DNMT1: variants seen among roughly 807,000 people sequenced by gnomAD.
DNMT1 encodes the protein DNA methyltransferase 1, also known as DNA (cytosine-5)-methyltransferase 1.
In DNMT1, 24 loss-of-function variants were observed where a neutral mutation model predicts 205.3. The ratio of observed to expected loss-of-function variants is 0.12; its 90% confidence interval spans 0.08 to 0.16. The LOEUF is 0.16. Ranked by LOEUF, DNMT1 falls within the 10% of genes least tolerant of loss-of-function variation. The probability of loss-of-function intolerance (pLI) is 1.00; values close to 1 mark genes in which losing one functional copy is unlikely to be tolerated. For synonymous variants in DNMT1, 817 were observed against 839.8 expected, an observed-to-expected ratio of 0.97 and a Z score of 0.47; for missense variants, 1,293 against 2,177.7, an observed-to-expected ratio of 0.59 and a Z score of 8.09.
chr19:10,152,160 CAAAAAAAAAAAAAAAA>C (rs56725732), intron 22 of DNMT1, among the ~76,000 whole-genome samples: 3 of 14,334 alleles, frequency 2.1e-4, no homozygotes, highest in African/African-American at 1.4e-3. Flanking sequence ...AACTCCATCT[CAAAAAAAAAAAAAAAA>C]AAAAAAAAAA....
chr19:10,146,469 C>A lies in DNMT1; in HGVS notation c.2776G>T (p.Val926Phe). ...AEMRQKEIPR[V>F]LEQLEDLDSR... ...TCCAGGTCCTCGAGCTGCTCCAGGA[C>A]CCTGGGGATTTCTTTTTGCCTCATC... is the stretch of plus-strand genomic sequence containing the variant. Residue 926 changes from valine to phenylalanine, a missense_variant, in exon 28 of 41, where the codon GTC becomes TTC. Physicochemically the swap from Val to Phe is conservative, Grantham distance 50 (BLOSUM62 -1). Transcript: ENST00000359526. The surrounding 1 kb of genome is among the most constrained non-coding windows in gnomAD (Gnocchi z 4.4). 1 of 1,614,090 alleles carries A rather than the reference C, an allele frequency of 6.2e-7. No homozygotes were observed. The highest frequency in any genetic ancestry group is 8.5e-7 in the Non-Finnish European group (1 of 1,180,020).
At position 10,162,762 on chromosome 19, in the gene DNMT1, A is replaced by C; in HGVS notation, c.927-14T>G. On this transcript the variant is annotated splice_polypyrimidine_tract_variant and intron_variant, in intron 12 of 40. Transcript: ENST00000359526. ...CGTTTGGCAGCTCTGCAGGGTGAAC[A>C]GATACACAGCAAGTAGCAGCTTAGA... 1 of 1,613,826 alleles carries C rather than the reference A, an allele frequency of 6.2e-7. No homozygotes were observed. The highest frequency in any genetic ancestry group is 8.5e-7 in the Non-Finnish European group (1 of 1,179,846).
intron 1 of DNMT1, 57 bp downstream of exon 1, chr19:10,194,763 C>T: frequency 6.5e-7 from 1 of 1,538,306 alleles, no homozygotes; most frequent in South Asian, 1.2e-5. Flanking sequence ...GGAAGCGACC[C>T]CCCACCCAGC....
At chr19:10,135,942 T>C (rs1415963581) in intron 38 of DNMT1, 90 bp from the exon 39 acceptor site, 4 of 1,494,986 alleles carry the variant, frequency 2.7e-6, no homozygotes, top group Non-Finnish European at 3.6e-6. Flanking sequence ...TGTGACAGCA[T>C]ACGGCCATGG....
In DNMT1 at chr19:10,137,435, G is replaced by C; in HGVS notation, c.4294-155C>G. On this transcript the variant is annotated intron_variant, in intron 36 of 40. Transcript: ENST00000359526. This position sits in a 1 kb window ranked among gnomAD's most constrained non-coding sequence, Gnocchi z 6.4. ...CAGTCAGGGATATCGCACTTGGCTC[G>C]AGGCCACGGCAGGGACCTGAGGCAG... is the stretch of plus-strand genomic sequence containing the variant. 1 of 952,146 alleles carries C rather than the reference G, an allele frequency of 1.1e-6. No homozygotes were observed. The highest frequency in any genetic ancestry group is 1.6e-6 in the Non-Finnish European group (1 of 639,714). The allele number at this position is 952,146 out of a possible 1,614,324, so 59.0% of individuals were successfully genotyped here. A position where few individuals can be genotyped will look rare whatever the true frequency, so the allele number is the denominator to read the frequency against.
intron 1 of DNMT1, among the ~76,000 whole-genome samples, chr19:10,186,173 G>A (rs2039175810): frequency 6.6e-6 from 1 of 152,132 alleles, no homozygotes; most frequent in Non-Finnish European, 1.5e-5. Context: ...CTTGCAGAAT[G>A]GGTCTGCTTT....
intron 13 of DNMT1, among the ~76,000 whole-genome samples, chr19:10,161,561 T>C (rs1267024026): frequency 6.6e-6 from 1 of 152,100 alleles, no homozygotes; most frequent in Non-Finnish European, 1.5e-5. Context: ...GTGGGAGGAT[T>C]GCTTCAGCCC....
rs2089612674 is a variant in DNMT1, at chr19:10,142,139, C to T, written c.3198G>A (p.Val1066=). The T allele has an allele frequency of 6.2e-7, 1 of 1,614,054 alleles. No individual in the cohort carries two copies. The highest frequency in any genetic ancestry group is 8.5e-7 in the Non-Finnish European group (1 of 1,180,040). ...GGCCCTGCACAGCCTTGAAGTCCAC[C>T]ACGGCCTCCTCGTCGCTCCAGTAGA... ...NLLYWSDEEA[V]VDFKAVQGRC... Residue 1066 remains valine (V), a synonymous_variant, in exon 30 of 41, where the codon GTG becomes GTA. Transcript: ENST00000359526.
chr19:10,144,536 G>A lies in DNMT1; in HGVS notation c.2895-549C>T, dbSNP rs980010664. On this transcript the variant is annotated intron_variant, in intron 28 of 40. Transcript: ENST00000359526. Reference sequence around the variant, plus strand: ...CAAATACCCCAGGCTCCTGCCTCCCGACTACTTGGCATCTTGTGTTTCCTG... The same window carrying A: ...CAAATACCCCAGGCTCCTGCCTCCCAACTACTTGGCATCTTGTGTTTCCTG... The A allele has an allele frequency of 1.9e-4, 33 of 173,854 alleles. 1 individual carries two copies. Among genetic ancestry groups the A allele is most frequent in the African/African-American group, 6.9e-4 (29 of 41,780 alleles). The allele number at this position is 173,854 out of a possible 1,614,324, so 10.8% of individuals were successfully genotyped here.
intron 10 of DNMT1, among the ~76,000 whole-genome samples, chr19:10,167,626 C>T (rs1195804756): frequency 6.6e-6 from 1 of 152,184 alleles, no homozygotes; most frequent in Non-Finnish European, 1.5e-5. Flanking sequence ...CAGCCATCCC[C>T]ACTAAGCCAC....
chr19:10,141,286 C>T, intron 30 of DNMT1, 97 bp from the exon 31 acceptor site: 3 of 1,287,604 alleles, frequency 2.3e-6, no homozygotes, highest in South Asian at 1.2e-5. Context: ...CACTTAATTT[C>T]TCCCTCAGTG....
At chr19:10,134,518 C>T (rs1221958987) in intron 39 of DNMT1, among the ~76,000 whole-genome samples, 2 of 152,260 alleles carry the variant, frequency 1.3e-5, no homozygotes, top group Non-Finnish European at 2.9e-5. Context: ...CCCACAGCCA[C>T]AAGTCACTGG....
Position 10,146,258 on chromosome 19 carries a change from G to T in DNMT1, c.2894+93C>A. ...GCTAGGACAACAGCTGGTGCGGAGG[G>T]ATTGGCAATGTCTGTAAGGAGGGGG... On this transcript the variant is annotated intron_variant, in intron 28 of 40. Transcript: ENST00000359526. The surrounding 1 kb of genome is among the most constrained non-coding windows in gnomAD (Gnocchi z 4.4). The T allele has an allele frequency of 6.8e-7, 1 of 1,475,738 alleles. No individual in the cohort carries two copies. Among genetic ancestry groups the T allele is most frequent in the Non-Finnish European group, 9.3e-7 (1 of 1,076,946 alleles). The allele number at this position is 1,475,738 out of a possible 1,614,324, so 91.4% of individuals were successfully genotyped here.
rs1349191389 is a variant in DNMT1 at position 10,150,119 on chromosome 19, A to T, written c.2266-151T>A. ...GCTGCTAAAGAGAACATCCTGTTCT[A>T]CAAGGGCTTCAATAATAAGAAAAAA... On this transcript the variant is annotated intron_variant, in intron 24 of 40. Transcript: ENST00000359526. 4.1e-6 allele frequency: 3 copies of T among 737,930 alleles called. No individual in the cohort carries two copies. In the Admixed American group the frequency reaches 6.5e-5, roughly 16 times the overall value. The allele number at this position is 737,930 out of a possible 1,614,324, so 45.7% of individuals were successfully genotyped here.
intron 8 of DNMT1, 61 bp downstream of exon 8, chr19:10,173,810 T>C: frequency 1.3e-6 from 2 of 1,597,936 alleles, no homozygotes; most frequent in South Asian, 2.2e-5. Context: ...TCTGAAAAAG[T>C]TTTGTGATCA....
At chr19:10,191,196 G>T (rs1219190514) in intron 1 of DNMT1, among the ~76,000 whole-genome samples, 1 of 151,440 alleles carries the variant, frequency 6.6e-6, no homozygotes, top group Non-Finnish European at 1.5e-5. Flanking sequence ...CAGGAGAATT[G>T]CTTAAACCCG....
intron 10 of DNMT1, among the ~76,000 whole-genome samples, chr19:10,167,591 T>C (rs1279412701): frequency 3.3e-5 from 5 of 152,120 alleles, no homozygotes; most frequent in Non-Finnish European, 7.4e-5. Flanking sequence ...CCTGGCCAAA[T>C]TGCGGAGGCA....
At chr19:10,193,581 C>T (rs990447898) in intron 1 of DNMT1, among the ~76,000 whole-genome samples, 28 of 150,494 alleles carry the variant, frequency 1.9e-4, no homozygotes, top group Admixed American at 1.0e-3. Flanking sequence ...CCAGGCTGGT[C>T]TCAAACTCCT....
In DNMT1 at chr19:10,139,775, A is replaced by G. The variant is rs144660201; in HGVS notation, c.3849T>C (p.Asn1283=). The change falls in exon 34 of 41, where the codon AAT becomes AAC. Residue 1283 remains asparagine (N), a synonymous_variant. Coordinates refer to ENST00000359526, the MANE Select transcript of DNMT1 (RefSeq NM_001130823.3). ...YYRPRFFLLE[N]VRNFVSFKRS... ...GCTTGAAGGAGACAAAGTTCCTGAC[A>G]TTCTCCAGGAGGAAGAACCGGGGCC... 2.5e-6 allele frequency: 4 copies of G among 1,604,632 alleles called. No homozygotes were observed. The highest frequency in any genetic ancestry group is 2.2e-5 in the East Asian group (1 of 44,598).
Sources: gnomAD v4.1 joint callset for allele counts (sites outside exome capture counted in the v4.1 genomes callset) on GRCh38, gnomAD v4.1.1 for gene constraint, Gnocchi (gnomAD v3.1) non-coding constraint, MANE v1.5 for transcripts, NCBI Gene and HGNC (gene_info 2026-07-23, HGNC 2026-07-21) for gene names.